The following GRID2 variants were observed in gnomAD, a reference collection of about 807,000 sequenced individuals.
The protein encoded by GRID2 is glutamate ionotropic receptor delta type subunit 2.
A neutral mutation model predicts 114.8 loss-of-function variants in GRID2; 33 were observed. That is an observed-to-expected ratio of 0.29 (90% confidence interval 0.22 to 0.38). GRID2 has a LOEUF of 0.38. Among genes scored for constraint, GRID2 ranks in the 10% least tolerant of loss-of-function variants. GRID2 has a pLI of 1.00. For missense variants in GRID2, 1,184 were observed against 1,257.7 expected, an observed-to-expected ratio of 0.94 and a Z score of 0.89; for synonymous variants, 505 against 449.9, an observed-to-expected ratio of 1.12 and a Z score of -1.55.
At chr4:92,798,239 T>C (rs1056561768) in intron 2 of GRID2, among the ~76,000 whole-genome samples, 6 of 152,156 alleles carry the variant, frequency 3.9e-5, no homozygotes, top group African/African-American at 1.4e-4. Context: ...TTGTAAGACC[T>C]TGCCTAATAT....
At chr4:92,515,910 T>C (rs2149135451) in intron 1 of GRID2, among the ~76,000 whole-genome samples, 1 of 152,058 alleles carries the variant, frequency 6.6e-6, no homozygotes, top group Admixed American at 6.6e-5. Context: ...CATTTTTACA[T>C]AGAAAGTAGA....
chr4:92,876,480 A>G (rs1745640050), intron 2 of GRID2, among the ~76,000 whole-genome samples: 1 of 151,756 alleles, frequency 6.6e-6, no homozygotes, highest in African/African-American at 2.4e-5. Flanking sequence ...AATTTTTTGT[A>G]TTTTTAGTAA....
intron 2 of GRID2, among the ~76,000 whole-genome samples, chr4:92,790,170 C>T (rs1739512324): frequency 6.6e-6 from 1 of 151,604 alleles, no homozygotes; most frequent in Non-Finnish European, 1.5e-5. Flanking sequence ...ATATACACAT[C>T]TAAATATGTA....
chr4:93,582,986 C>G (rs1578314502), intron 13 of GRID2, among the ~76,000 whole-genome samples: 1 of 152,184 alleles, frequency 6.6e-6, no homozygotes, highest in East Asian at 1.9e-4. Flanking sequence ...TCTGAAGTCT[C>G]TAAGAAAGCA....
intron 3 of GRID2, among the ~76,000 whole-genome samples, chr4:93,097,116 G>A (rs766985612): frequency 6.6e-6 from 1 of 151,942 alleles, no homozygotes; most frequent in Admixed American, 6.6e-5. Flanking sequence ...TCAGACAGTG[G>A]TCACATCTAT....
intron 4 of GRID2, among the ~76,000 whole-genome samples, chr4:93,136,625 GTA>G (rs1735274017): frequency 6.6e-6 from 1 of 152,096 alleles, no homozygotes; most frequent in African/African-American, 2.4e-5. Flanking sequence ...TCAATAAATT[GTA>G]TATAAATGTT....
In GRID2 at chr4:92,867,931, C is replaced by A. The variant is rs17019973; in HGVS notation, c.245-217064C>A. Among the ~76,000 whole-genome samples the A allele has an allele frequency of 5.9e-3, 902 of 152,240 alleles. 16 individuals are homozygous for A. Among genetic ancestry groups the A allele is most frequent in the African/African-American group, 0.021 (856 of 41,560 alleles). On this transcript the variant is annotated intron_variant, in intron 2 of 15. Transcript: ENST00000282020. ...GATTCCCAAATCCAGGTTACATAAG[C>A]TTCCTGGGTCCCATTTTCACAGTTG...
intron 2 of GRID2, among the ~76,000 whole-genome samples, chr4:92,869,124 A>T (rs576502968): frequency 3.3e-5 from 5 of 152,058 alleles, no homozygotes; most frequent in Non-Finnish European, 7.4e-5. Context: ...TTTTGTATTT[A>T]TAGGGGTAAA....
At chr4:92,335,343 A>G (rs1230749286) in intron 1 of GRID2, among the ~76,000 whole-genome samples, 1 of 152,094 alleles carries the variant, frequency 6.6e-6, no homozygotes, top group Non-Finnish European at 1.5e-5. Context: ...TTTTCTCATC[A>G]CATAAAAGAT....
intron 14 of GRID2, among the ~76,000 whole-genome samples, chr4:93,664,728 C>T (rs1016596280): frequency 1.3e-5 from 2 of 152,124 alleles, no homozygotes; most frequent in African/African-American, 4.8e-5. Flanking sequence ...TCAGCTGGAC[C>T]TGCCTTTGCT....
intron 14 of GRID2, among the ~76,000 whole-genome samples, chr4:93,672,067 C>T (rs190411277): frequency 2.0e-5 from 3 of 152,332 alleles, no homozygotes; most frequent in Admixed American, 1.3e-4. Context: ...CCTGCTATTT[C>T]AAGTCCCCTT....
intron 2 of GRID2, chr4:92,822,578 G>C (rs536470507): frequency 8.0e-6 from 2 of 249,074 alleles, no homozygotes; most frequent in East Asian, 1.3e-4. Context: ...CAATCTACAG[G>C]TTGTCAATGG....
intron 1 of GRID2, among the ~76,000 whole-genome samples, chr4:92,453,841 A>C (rs1162876970): frequency 1.3e-5 from 2 of 152,170 alleles, no homozygotes; most frequent in Non-Finnish European, 2.9e-5. Flanking sequence ...TGTATAACTT[A>C]ATAAAGCTAA....
chr4:93,659,172 A>G (rs939484542), intron 14 of GRID2, among the ~76,000 whole-genome samples: 1 of 152,162 alleles, frequency 6.6e-6, no homozygotes, highest in East Asian at 1.9e-4. Context: ...GCAAAAAAAA[A>G]AAGTGCCAAA....
At chr4:93,134,060 C>T (rs1579082398) in intron 4 of GRID2, among the ~76,000 whole-genome samples, 2 of 152,026 alleles carry the variant, frequency 1.3e-5, no homozygotes, top group East Asian at 3.9e-4. Context: ...ACTCATCTCC[C>T]AGTTAAACAC....
intron 2 of GRID2, among the ~76,000 whole-genome samples, chr4:92,648,210 A>G (rs1731743014): frequency 6.7e-6 from 1 of 149,910 alleles, no homozygotes. Context: ...TTTATCTTAA[A>G]GAGCTAGAAA....
chr4:93,433,855 T>G (rs962175850), intron 10 of GRID2, among the ~76,000 whole-genome samples: 3 of 152,198 alleles, frequency 2.0e-5, no homozygotes, highest in Non-Finnish European at 4.4e-5. Flanking sequence ...GTCCCTTCAT[T>G]TTTTACACCC....
intron 2 of GRID2, among the ~76,000 whole-genome samples, chr4:93,047,879 C>A (rs866997311): frequency 5.4e-4 from 77 of 143,518 alleles, no homozygotes; most frequent in East Asian, 1.0e-3. Flanking sequence ...AACAAACAAA[C>A]AAACAAAAAA....
In GRID2 at chr4:92,568,965, T is replaced by C. The variant is rs1727480120; in HGVS notation, c.89-21166T>C. On this transcript the variant is annotated intron_variant, in intron 1 of 15. Coordinates refer to ENST00000282020, the MANE Select transcript of GRID2 (RefSeq NM_001510.4). ...ATATGTACCACATTTTCTTTCTTTT[T>C]TTAAATTCCCAACTTTTAAGTTAAA... Among the ~76,000 whole-genome samples the C allele has an allele frequency of 2.0e-5, 3 of 152,008 alleles. No homozygotes were observed. In the South Asian group the frequency reaches 6.2e-4, roughly 31 times the overall value.
Sources: gnomAD v4.1 joint callset for allele counts (sites outside exome capture counted in the v4.1 genomes callset) on GRCh38, gnomAD v4.1.1 for gene constraint, MANE v1.5 for transcripts, NCBI Gene and HGNC (gene_info 2026-07-23, HGNC 2026-07-21) for gene names.